CDIN1: variants seen among roughly 807,000 people sequenced by gnomAD.
CDIN1 encodes the protein CDAN1 interacting nuclease 1.
CDIN1 carries 33 observed loss-of-function variants against 45.3 expected under a neutral mutation model. The observed-to-expected ratio is 0.73, with a 90% confidence interval of 0.55 to 0.97. CDIN1 has a LOEUF of 0.97. Among genes scored for constraint, CDIN1 ranks in the 50% least tolerant of loss-of-function variants. The pLI is 0.00. For missense variants in CDIN1, 303 were observed against 339.4 expected (o/e 0.89, Z 0.84); for synonymous variants, 118 against 124.4 (o/e 0.95, Z 0.34).
intron 10 of CDIN1, among the ~76,000 whole-genome samples, chr15:36,743,574 T>G (rs1222855709): frequency 1.3e-5 from 2 of 152,076 alleles, no homozygotes; most frequent in African/African-American, 2.4e-5. Context: ...ATATATACCC[T>G]CAGTGTTCCA....
At chr15:36,580,909 C>T (rs909939983) in intron 1 of CDIN1, among the ~76,000 whole-genome samples, 8 of 152,306 alleles carry the variant, frequency 5.3e-5, no homozygotes, top group Middle Eastern at 3.4e-3. Flanking sequence ...GAAGTAATTT[C>T]TTGAGAAAAG....
chr15:36,733,392 A>C (rs62002343), intron 10 of CDIN1, among the ~76,000 whole-genome samples: 21,240 of 152,052 alleles, frequency 0.14, 1,603 homozygotes, highest in East Asian at 0.29. Flanking sequence ...ACAACAAGAA[A>C]ACCTGAAAAT....
intron 5 of CDIN1, among the ~76,000 whole-genome samples, chr15:36,659,587 G>T (rs1472651621): frequency 1.3e-5 from 2 of 150,434 alleles, no homozygotes; most frequent in African/African-American, 4.9e-5. Context: ...TTGGGTTAAT[G>T]GTTGTTTCAC....
chr15:36,744,226 A>G (rs2044340644), intron 10 of CDIN1, among the ~76,000 whole-genome samples: 1 of 152,168 alleles, frequency 6.6e-6, no homozygotes, highest in African/African-American at 2.4e-5. Flanking sequence ...TACTTCCCCC[A>G]GGCCTCTGGT....
At chr15:36,776,812 ATC>A (rs1225581018) in intron 10 of CDIN1, among the ~76,000 whole-genome samples, 5 of 152,316 alleles carry the variant, frequency 3.3e-5, no homozygotes, top group African/African-American at 1.2e-4. Context: ...CAACATAGTG[ATC>A]TCTTTTTTTT....
intron 10 of CDIN1, among the ~76,000 whole-genome samples, chr15:36,749,139 A>G (rs541821361): frequency 1.4e-4 from 22 of 152,338 alleles, no homozygotes; most frequent in African/African-American, 4.1e-4. Flanking sequence ...TACATATTAA[A>G]TGATGTTTGA....
chr15:36,743,937 G>T (rs1890229434), intron 10 of CDIN1, among the ~76,000 whole-genome samples: 2 of 148,884 alleles, frequency 1.3e-5, no homozygotes, highest in Admixed American at 6.7e-5. Context: ...TAAACCCATT[G>T]ACTTAAACAT....
chr15:36,586,030 T>C (rs757496570), intron 1 of CDIN1, among the ~76,000 whole-genome samples: 7 of 152,108 alleles, frequency 4.6e-5, no homozygotes, highest in Non-Finnish European at 8.8e-5. Flanking sequence ...CAACCCATAC[T>C]CATAAACTCT....
chr15:36,614,188 G>C (rs2140284225), intron 1 of CDIN1: 2 of 669,454 alleles, frequency 3.0e-6, no homozygotes, highest in Non-Finnish European at 5.6e-6. Flanking sequence ...CTGCTGACCT[G>C]AATGAGCTGT....
chr15:36,785,056 G>A (rs1364865808), intron 10 of CDIN1, among the ~76,000 whole-genome samples: 1 of 152,120 alleles, frequency 6.6e-6, no homozygotes, highest in African/African-American at 2.4e-5. Context: ...TGCTGCCCTT[G>A]TAAAGGTTTA....
chr15:36,756,453 A>G (rs2053612119), intron 10 of CDIN1, among the ~76,000 whole-genome samples: 1 of 152,180 alleles, frequency 6.6e-6, no homozygotes, highest in Non-Finnish European at 1.5e-5. Context: ...AGCAGGTGTT[A>G]TAACAATCTG....
intron 10 of CDIN1, among the ~76,000 whole-genome samples, chr15:36,798,017 G>GTTAT (rs1423331496): frequency 9.7e-6 from 1 of 103,232 alleles, no homozygotes; most frequent in East Asian, 2.9e-4. Context: ...ATAGTAGAGA[G>GTTAT]TTATTAGCAA....
intron 1 of CDIN1, among the ~76,000 whole-genome samples, chr15:36,581,790 G>A (rs1320616543): frequency 1.3e-5 from 2 of 152,226 alleles, no homozygotes; most frequent in Non-Finnish European, 2.9e-5. Context: ...CTGAGGCTGA[G>A]GTGGGTGAAT....
chr15:36,706,888 A>T (rs1386764020), intron 8 of CDIN1: 1 of 152,140 alleles, frequency 6.6e-6, no homozygotes, highest in African/African-American at 2.4e-5. Context: ...AAAGACATGG[A>T]TACTGTTAAA....
intron 10 of CDIN1, among the ~76,000 whole-genome samples, chr15:36,725,064 C>A (rs1212928): frequency 6.6e-6 from 1 of 152,140 alleles, no homozygotes; most frequent in African/African-American, 2.4e-5. Flanking sequence ...AAAGGTCATT[C>A]TTCTTCCTGC....
intron 10 of CDIN1, chr15:36,799,148 G>C (rs2054921994): frequency 6.6e-6 from 1 of 152,166 alleles, no homozygotes; most frequent in South Asian, 2.1e-4. Context: ...CCCAACTTTT[G>C]GAAGAAGGCT....
intron 1 of CDIN1, chr15:36,626,736 T>TG (rs774027722): frequency 9.0e-5 from 38 of 422,414 alleles, no homozygotes; most frequent in Admixed American, 2.8e-4. Flanking sequence ...CCTTTCAGAT[T>TG]GACTGGTGTT....
At chr15:36,801,535 C>T (rs887416555) in intron 10 of CDIN1, among the ~76,000 whole-genome samples, 1 of 152,134 alleles carries the variant, frequency 6.6e-6, no homozygotes, top group Non-Finnish European at 1.5e-5. Context: ...ATCTCTACCT[C>T]ATACGTTCAC....
chr15:36,641,480 A>G (rs1426349552), intron 1 of CDIN1: 1 of 152,222 alleles, frequency 6.6e-6, no homozygotes, highest in Admixed American at 6.5e-5. Flanking sequence ...CTTTACCCAG[A>G]CAGCTGTAGG....
Sources: gnomAD v4.1 joint callset for allele counts (sites outside exome capture counted in the v4.1 genomes callset) on GRCh38, gnomAD v4.1.1 for gene constraint, MANE v1.5 for transcripts, NCBI Gene and HGNC (gene_info 2026-07-23, HGNC 2026-07-21) for gene names.